ATP8B4: variants seen among roughly 807,000 people sequenced by gnomAD.
The protein encoded by ATP8B4 is probable phospholipid-transporting ATPase IM.
In ATP8B4, 133 loss-of-function variants were observed where a neutral mutation model predicts 145.6. That is an observed-to-expected ratio of 0.91 (90% CI 0.79 to 1.05). The LOEUF is 1.05. Among genes scored for constraint, ATP8B4 ranks in the 50% least tolerant of loss-of-function variants. The pLI is 0.00. For missense variants in ATP8B4, 1,458 were observed against 1,425.2 expected (o/e 1.02, Z -0.37); for synonymous variants, 507 against 492.9 (o/e 1.03, Z -0.38).
chr15:49,988,898 T>C (rs1256238520), intron 9 of ATP8B4, among the ~76,000 whole-genome samples: 1 of 152,128 alleles, frequency 6.6e-6, no homozygotes, highest in Non-Finnish European at 1.5e-5. Context: ...GACCTTGCAT[T>C]AAAAAAGCAA....
chr15:49,920,242 A>G lies in ATP8B4; in HGVS notation c.1923+4T>C. On this transcript the variant is annotated splice_donor_region_variant and intron_variant, in intron 18 of 27. Transcript: ENST00000284509. ...CACAAACCATCATGCTTCTAAACTC[A>G]TACCATCAAATCTCTTTCAATTTCT... The G allele has an allele frequency of 6.2e-7, 1 of 1,613,684 alleles. No homozygotes were observed.
chr15:49,998,157 A>G (rs1379567976), intron 8 of ATP8B4, among the ~76,000 whole-genome samples: 1 of 152,162 alleles, frequency 6.6e-6, no homozygotes. Flanking sequence ...CCACTATCTC[A>G]GTTCTATCTT....
At chr15:50,118,746 G>A (rs572781970) in intron 1 of ATP8B4, among the ~76,000 whole-genome samples, 2 of 152,122 alleles carry the variant, frequency 1.3e-5, no homozygotes, top group South Asian at 4.1e-4. Flanking sequence ...TATTGAATAG[G>A]TGCACTGTAT....
chr15:50,145,481 T>C (rs2044264310), intron 1 of ATP8B4, among the ~76,000 whole-genome samples: 1 of 152,180 alleles, frequency 6.6e-6, no homozygotes, highest in Admixed American at 6.5e-5. Flanking sequence ...CTGCATTGGG[T>C]GGGAGTCTGT....
chr15:50,115,257 G>A (rs926183699), intron 1 of ATP8B4, among the ~76,000 whole-genome samples: 3 of 152,034 alleles, frequency 2.0e-5, no homozygotes, highest in Non-Finnish European at 4.4e-5. Context: ...GACCACTTGA[G>A]CCCAGAAGCT....
At chr15:49,865,447 G>A (rs973621074) in intron 26 of ATP8B4, among the ~76,000 whole-genome samples, 1 of 152,180 alleles carries the variant, frequency 6.6e-6, no homozygotes, top group African/African-American at 2.4e-5. Flanking sequence ...GAGGGGGTTG[G>A]GGGGAAACCC....
At chr15:49,898,678 CT>C (rs2037687745) in intron 21 of ATP8B4, among the ~76,000 whole-genome samples, 1 of 152,108 alleles carries the variant, frequency 6.6e-6, no homozygotes, top group African/African-American at 2.4e-5. Flanking sequence ...CTTTTTGTTT[CT>C]TTGCACTGTT....
intron 3 of ATP8B4, among the ~76,000 whole-genome samples, chr15:50,072,976 CTCTCTA>C (rs2053899606): frequency 4.2e-5 from 1 of 23,900 alleles, no homozygotes; most frequent in Admixed American, 5.9e-4. Flanking sequence ...CTCTCTCTCT[CTCTCTA>C]TATATATATA....
intron 2 of ATP8B4, among the ~76,000 whole-genome samples, chr15:50,088,635 A>G (rs1365345682): frequency 3.3e-5 from 5 of 152,044 alleles, no homozygotes; most frequent in African/African-American, 1.2e-4. Flanking sequence ...CTCCCACCCA[A>G]TGTAGAAGAT....
chr15:49,931,231 A>G lies in ATP8B4; in HGVS notation c.1530T>C (p.Phe510=), dbSNP rs2041225834. The G allele has an allele frequency of 6.2e-7, 1 of 1,612,720 alleles. No homozygotes were observed. Among genetic ancestry groups the G allele is most frequent in the Non-Finnish European group, 8.5e-7 (1 of 1,179,228 alleles). Residue 510 remains phenylalanine (F), a synonymous_variant, in exon 16 of 28, where the codon TTT becomes TTC. Coordinates refer to ENST00000284509, the MANE Select transcript of ATP8B4 (RefSeq NM_024837.4). ...TTATGGTCTCTGGGGTCCGGGATTTAAAAATGAACCCAAAATTTCTAGCGG... is the reference window on the plus strand; with the variant it reads ...TTATGGTCTCTGGGGTCCGGGATTTGAAAATGAACCCAAAATTTCTAGCGG... ...VTAARNFGFI[F]KSRTPETITI...
At chr15:50,116,809 G>GA (rs1447338711) in intron 1 of ATP8B4, among the ~76,000 whole-genome samples, 4 of 152,034 alleles carry the variant, frequency 2.6e-5, no homozygotes, top group African/African-American at 9.7e-5. Context: ...AATAAAAGGA[G>GA]AGAGAAAAGC....
At chr15:50,138,665 C>T (rs182797256) in intron 1 of ATP8B4, among the ~76,000 whole-genome samples, 218 of 152,288 alleles carry the variant, frequency 1.4e-3, no homozygotes, top group Non-Finnish European at 2.2e-3. Context: ...GTAAAGTCAA[C>T]TGAATTTCAC....
intron 9 of ATP8B4, among the ~76,000 whole-genome samples, chr15:49,989,187 A>G (rs2046860730): frequency 6.6e-6 from 1 of 152,182 alleles, no homozygotes; most frequent in Admixed American, 6.5e-5. Context: ...ATTAAAACTG[A>G]TTTAAACTGG....
At chr15:50,075,816 C>A (rs1288827927) in intron 2 of ATP8B4, among the ~76,000 whole-genome samples, 1 of 152,128 alleles carries the variant, frequency 6.6e-6, no homozygotes, top group Non-Finnish European at 1.5e-5. Context: ...CAAAGTGGTA[C>A]TTTGAAAGGT....
chr15:49,944,305 C>T (rs2042392957), intron 14 of ATP8B4, among the ~76,000 whole-genome samples: 1 of 152,122 alleles, frequency 6.6e-6, no homozygotes, highest in Non-Finnish European at 1.5e-5. Flanking sequence ...CATCACCCAA[C>T]TATATGCTGC....
chr15:50,075,932 T>A (rs929897868), intron 2 of ATP8B4, among the ~76,000 whole-genome samples: 2 of 152,212 alleles, frequency 1.3e-5, no homozygotes, highest in African/African-American at 4.8e-5. Flanking sequence ...GTTACTGGGA[T>A]GGTAGGAGCG....
intron 2 of ATP8B4, among the ~76,000 whole-genome samples, chr15:50,083,342 G>A (rs1289999642): frequency 8.8e-6 from 1 of 113,126 alleles, no homozygotes; most frequent in Non-Finnish European, 1.7e-5. Flanking sequence ...TTTACAATTA[G>A]ATTATCTATA....
At chr15:50,048,334 G>A (rs1248423270) in intron 3 of ATP8B4, among the ~76,000 whole-genome samples, 3 of 152,076 alleles carry the variant, frequency 2.0e-5, no homozygotes, top group Non-Finnish European at 2.9e-5. Flanking sequence ...GAAACACCGC[G>A]GAATGCCTCT....
intron 25 of ATP8B4, among the ~76,000 whole-genome samples, chr15:49,871,870 C>T (rs1007762887): frequency 5.9e-5 from 9 of 152,110 alleles, no homozygotes; most frequent in East Asian, 1.9e-4. Flanking sequence ...CCCTCAAGCA[C>T]TCAGAATTAA....
Sources: allele counts gnomAD v4.1 joint callset (sites outside exome capture counted in the v4.1 genomes callset), GRCh38; gene constraint gnomAD v4.1.1; transcripts MANE v1.5; gene names NCBI Gene and HGNC (gene_info 2026-07-23, HGNC 2026-07-21).